Variants in CSMD1 observed in about 807,000 individuals in gnomAD.
CSMD1 encodes CUB and sushi domain-containing protein 1.
A neutral mutation model predicts 417.5 loss-of-function variants in CSMD1; 213 were observed. The observed-to-expected ratio is 0.51, with a 90% CI of 0.46 to 0.57. CSMD1 has a LOEUF of 0.57. Among genes scored for constraint, CSMD1 ranks in the 20% least tolerant of loss-of-function variants. CSMD1 has a pLI of 0.00. For missense variants in CSMD1, 6,923 were observed against 4,529.7 expected, an observed-to-expected ratio of 1.53 and a Z score of -15.17; for synonymous variants, 2,862 against 1,736.8, an observed-to-expected ratio of 1.65 and a Z score of -16.11.
intron 5 of CSMD1, among the ~76,000 whole-genome samples, chr8:3,783,986 GTGCC>G (rs1254803564): frequency 6.6e-6 from 1 of 152,166 alleles, no homozygotes; most frequent in Non-Finnish European, 1.5e-5. Context: ...TCCTCTTCTG[GTGCC>G]TGACCTTTCT....
chr8:4,534,773 CTTTT>C (rs955484375), intron 2 of CSMD1, among the ~76,000 whole-genome samples: 2 of 151,430 alleles, frequency 1.3e-5, no homozygotes, highest in Non-Finnish European at 2.9e-5. Flanking sequence ...TCTTTCTTTC[CTTTT>C]TTTGAGGTGG....
At chr8:3,215,906 T>C (rs1308715533) in intron 29 of CSMD1, among the ~76,000 whole-genome samples, 1 of 151,484 alleles carries the variant, frequency 6.6e-6, no homozygotes, top group Non-Finnish European at 1.5e-5. Flanking sequence ...AATCCATGTG[T>C]AATCATCAAC....
At position 3,091,666 on chromosome 8, in the gene CSMD1, A is replaced by G; in HGVS notation, c.7139-4T>C. ...AGAGGACTTTGCCCAGAAGAACCTA[A>G]GTGAAACAGAAAAACAAAAACATTC... is the stretch of plus-strand genomic sequence containing the variant. On this transcript the variant is annotated splice_polypyrimidine_tract_variant and splice_region_variant and intron_variant, in intron 47 of 69. Coordinates refer to ENST00000635120, the MANE Select transcript of CSMD1 (RefSeq NM_033225.6). The G allele has an allele frequency of 6.2e-7, 1 of 1,605,640 alleles. No individual in the cohort carries two copies. The highest frequency in any genetic ancestry group is 8.5e-7 in the Non-Finnish European group (1 of 1,178,000).
intron 3 of CSMD1, among the ~76,000 whole-genome samples, chr8:4,146,454 T>A (rs939821375): frequency 1.3e-5 from 2 of 150,568 alleles, no homozygotes; most frequent in African/African-American, 5.0e-5. Flanking sequence ...GCAGTAAGTG[T>A]AGAGTTAACA....
At chr8:3,338,811 C>CTTT (rs574071856) in intron 23 of CSMD1, among the ~76,000 whole-genome samples, 1 of 141,064 alleles carries the variant, frequency 7.1e-6, no homozygotes. Flanking sequence ...TCCAGCCTTT[C>CTTT]TTTTTTTTTT....
chr8:2,959,650 G>A (rs548317759), intron 62 of CSMD1, among the ~76,000 whole-genome samples: 1 of 152,248 alleles, frequency 6.6e-6, no homozygotes, highest in East Asian at 1.9e-4. Context: ...GCTGGCTGGA[G>A]AACGGGAGGT....
intron 12 of CSMD1, among the ~76,000 whole-genome samples, chr8:3,442,691 C>T (rs536885393): frequency 6.6e-6 from 1 of 152,130 alleles, no homozygotes; most frequent in South Asian, 2.1e-4. Flanking sequence ...CAGAACGTAT[C>T]CCTGTTGTTG....
chr8:3,907,199 T>G (rs940242510), intron 5 of CSMD1, among the ~76,000 whole-genome samples: 1 of 152,234 alleles, frequency 6.6e-6, no homozygotes, highest in Non-Finnish European at 1.5e-5. Flanking sequence ...ATCAGCGATC[T>G]GATCTCATAC....
intron 5 of CSMD1, among the ~76,000 whole-genome samples, chr8:3,972,070 T>C (rs1371228797): frequency 6.6e-6 from 1 of 152,072 alleles, no homozygotes; most frequent in African/African-American, 2.4e-5. Context: ...AGGGGCTCTG[T>C]ATGTTGCCCA....
At position 3,586,127 on chromosome 8, in the gene CSMD1, G is replaced by A. The variant is rs1260681202; in HGVS notation, c.1222+9C>T. On this transcript the variant is annotated intron_variant, in intron 9 of 69. Coordinates refer to ENST00000635120, the MANE Select transcript of CSMD1 (RefSeq NM_033225.6). ...ATAATCCAGGCTTTACCCACCGCAG[G>A]TGCCTTACCTCGGCAGATGGGCCTG... 1.9e-6 allele frequency: 3 copies of A among 1,609,358 alleles called. No homozygotes were observed. The highest frequency in any genetic ancestry group is 8.5e-7 in the Non-Finnish European group (1 of 1,178,280).
At chr8:4,444,346 CAAAAAAAAAAAAAA>C (rs112028005) in intron 2 of CSMD1, among the ~76,000 whole-genome samples, 22 of 46,278 alleles carry the variant, frequency 4.8e-4, no homozygotes, top group South Asian at 2.0e-3. Flanking sequence ...GACTCCATCT[CAAAAAAAAAAAAAA>C]AAAAAAAAAA....
At chr8:3,726,125 C>T (rs188785935) in intron 6 of CSMD1, among the ~76,000 whole-genome samples, 3 of 152,170 alleles carry the variant, frequency 2.0e-5, no homozygotes, top group East Asian at 3.9e-4. Flanking sequence ...GACCTGAGGT[C>T]CCTGCCAACA....
intron 10 of CSMD1, among the ~76,000 whole-genome samples, chr8:3,555,385 T>C (rs542435999): frequency 1.3e-5 from 2 of 152,226 alleles, no homozygotes; most frequent in South Asian, 2.1e-4. Flanking sequence ...GTCTGAACGC[T>C]GTAAGAATTT....
At chr8:3,492,513 G>C (rs1818443249) in intron 11 of CSMD1, among the ~76,000 whole-genome samples, 1 of 152,196 alleles carries the variant, frequency 6.6e-6, no homozygotes, top group Non-Finnish European at 1.5e-5. Flanking sequence ...ATGAAGAGAA[G>C]CTATCTGTGG....
chr8:4,930,903 C>A (rs567996564), intron 1 of CSMD1, among the ~76,000 whole-genome samples: 1 of 152,096 alleles, frequency 6.6e-6, no homozygotes, highest in South Asian at 2.1e-4. Flanking sequence ...TTTCTGTATC[C>A]CACCATCTAA....
chr8:4,915,073 G>C (rs1019148005), intron 1 of CSMD1, among the ~76,000 whole-genome samples: 8 of 152,108 alleles, frequency 5.3e-5, no homozygotes, highest in African/African-American at 7.2e-5. Flanking sequence ...AAATACACTC[G>C]GTTTCTCAGA....
chr8:3,432,263 A>T (rs1027206331), intron 12 of CSMD1, among the ~76,000 whole-genome samples: 10 of 152,314 alleles, frequency 6.6e-5, no homozygotes, highest in African/African-American at 2.4e-4. Context: ...AGATTTTTAA[A>T]TAAAATATTT....
At chr8:4,655,842 C>T (rs1454569702) in intron 1 of CSMD1, among the ~76,000 whole-genome samples, 3 of 152,072 alleles carry the variant, frequency 2.0e-5, no homozygotes, top group Non-Finnish European at 2.9e-5. Flanking sequence ...TCAGCTAATT[C>T]ACTTACTGAG....
At chr8:3,336,240 C>T (rs1043822068) in intron 23 of CSMD1, among the ~76,000 whole-genome samples, 1 of 152,064 alleles carries the variant, frequency 6.6e-6, no homozygotes, top group Non-Finnish European at 1.5e-5. Context: ...ACAATACATG[C>T]TAATCAGTCC....
Sources: gnomAD v4.1 joint callset for allele counts (sites outside exome capture counted in the v4.1 genomes callset) on GRCh38, gnomAD v4.1.1 for gene constraint, MANE v1.5 for transcripts, NCBI Gene and HGNC (gene_info 2026-07-23, HGNC 2026-07-21) for gene names.